CCNH: variants seen among roughly 807,000 people sequenced by gnomAD.
CCNH encodes the protein cyclin H, also known as cyclin-H.
Under a neutral mutation model 41.9 loss-of-function variants are expected in CCNH, and 31 were observed. The observed-to-expected ratio is 0.74, with a 90% CI of 0.56 to 1.00. The LOEUF is 1.00. CCNH is among the 50% of genes least tolerant of loss of function. The pLI is 0.00. For missense variants in CCNH, 362 were observed against 388.4 expected, an observed-to-expected ratio of 0.93 and a Z score of 0.57; for synonymous variants, 138 against 136.1, an observed-to-expected ratio of 1.01 and a Z score of -0.10.
intron 9 of CCNH, among the ~76,000 whole-genome samples, chr5:87,343,226 G>A (rs1758609254): frequency 6.6e-6 from 1 of 152,106 alleles, no homozygotes; most frequent in Admixed American, 6.6e-5. Context: ...TGGGCACCAA[G>A]TCCTGATGAC....
chr5:87,410,434 A>G (rs1229359700), intron 2 of CCNH, among the ~76,000 whole-genome samples: 2 of 152,030 alleles, frequency 1.3e-5, no homozygotes, highest in African/African-American at 4.8e-5. Flanking sequence ...TATGGACTTA[A>G]TATTTTCAAC....
At chr5:87,392,562 A>C, downstream of CCNH, 1 of 337,818 alleles carries the variant, frequency 3.0e-6, no homozygotes, top group East Asian at 7.8e-5. Context: ...ACATGATAGA[A>C]GACAGGGAGG....
upstream of CCNH, among the ~76,000 whole-genome samples, chr5:87,381,031 T>C (rs888561647): frequency 6.6e-6 from 1 of 152,204 alleles, no homozygotes; most frequent in Non-Finnish European, 1.5e-5. Flanking sequence ...AAGCTGTGTT[T>C]CAGTCTGCTC....
At position 87,338,087 on chromosome 5, in the gene CCNH, A is replaced by T. The variant is rs1348489366; in HGVS notation, c.*91-19190T>A. ...CTTATTGTTGAAGACCTAGTAGAAG[A>T]GGTGGTAAGTTTTGTTCTTTTCTTC... is the stretch of plus-strand genomic sequence containing the variant. On this transcript the variant is annotated intron_variant and NMD_transcript_variant, in intron 9 of 9. Transcript: ENST00000645953. The T allele has an allele frequency of 1.9e-6, 3 of 1,612,108 alleles. No homozygotes were observed. In the Admixed American group the frequency reaches 5.0e-5, roughly 27 times the overall value.
At chr5:87,411,071 T>TGTATTG (rs1764196092) in intron 2 of CCNH, among the ~76,000 whole-genome samples, 153 bp downstream of exon 2, 2 of 152,236 alleles carry the variant, frequency 1.3e-5, no homozygotes, top group African/African-American at 4.8e-5. Context: ...ACTCATGATT[T>TGTATTG]AAGGCCTGTA....
chr5:87,396,249 T>C (rs191509641), intron 7 of CCNH, among the ~76,000 whole-genome samples: 1 of 151,878 alleles, frequency 6.6e-6, no homozygotes, highest in East Asian at 1.9e-4. Context: ...GGATTGTGGT[T>C]ATGAGCAGAA....
At chr5:87,398,988 AAAG>A (rs1275571646) in intron 7 of CCNH, among the ~76,000 whole-genome samples, 17 of 152,150 alleles carry the variant, frequency 1.1e-4, no homozygotes, top group South Asian at 2.1e-4. Context: ...AAAAAAAAAA[AAAG>A]AAGTATGCCA....
At chr5:87,331,533 A>C in intron 9 of CCNH, 1 of 1,602,362 alleles carries the variant, frequency 6.2e-7, no homozygotes, top group Non-Finnish European at 8.5e-7. Flanking sequence ...AAGCCAAATG[A>C]TGTAGCTATT....
Position 87,394,279 on chromosome 5 carries a change from T to C in CCNH, c.*167A>G. 7.5e-7 allele frequency: 1 copy of C among 1,328,488 alleles called. No individual in the cohort carries two copies. Among genetic ancestry groups the C allele is most frequent in the Non-Finnish European group, 9.7e-7 (1 of 1,035,794 alleles). 82.3% of individuals were successfully genotyped at this position (1,328,488 alleles called of 1,614,324 possible). Reference sequence around the variant, plus strand: ...AAAACAGGTGCTATTCTAGCTCTTTTGAAGATGGTTTATTTTACATAAAGT... The same window carrying C: ...AAAACAGGTGCTATTCTAGCTCTTTCGAAGATGGTTTATTTTACATAAAGT... On this transcript the variant is annotated 3_prime_UTR_variant, in exon 9 of 9. Coordinates refer to ENST00000256897, the MANE Select transcript of CCNH (RefSeq NM_001239.4).
chr5:87,390,750 A>G, downstream of CCNH: 1 of 1,499,866 alleles, frequency 6.7e-7, no homozygotes, highest in Non-Finnish European at 9.3e-7. Flanking sequence ...CCATCCTGAA[A>G]TTGCTGACCG....
chr5:87,385,172 T>C, intron 9 of CCNH: 2 of 703,464 alleles, frequency 2.8e-6, no homozygotes, highest in Admixed American at 2.3e-5. Flanking sequence ...CCAAAAACAT[T>C]CTGAGTTCCG....
At chr5:87,338,243 A>G in intron 9 of CCNH, 2 of 1,239,916 alleles carry the variant, frequency 1.6e-6, no homozygotes, top group Non-Finnish European at 2.2e-6. Flanking sequence ...GTTTGTTAGT[A>G]TGGAACATAA....
intron 9 of CCNH, among the ~76,000 whole-genome samples, chr5:87,327,710 A>G (rs1002105064): frequency 6.6e-6 from 1 of 152,164 alleles, no homozygotes; most frequent in East Asian, 1.9e-4. Context: ...CACACCTGTA[A>G]TCTCAGCACT....
At chr5:87,376,299 A>G in exon 1 of CCNH, 6 of 1,417,270 alleles carry the variant, frequency 4.2e-6, no homozygotes, top group Non-Finnish European at 5.9e-6. Context: ...AGCATTTAAC[A>G]CCATAGGGAA....
At chr5:87,394,991 A>C in intron 8 of CCNH, 53 bp downstream of exon 8, 1 of 1,612,276 alleles carries the variant, frequency 6.2e-7, no homozygotes, top group Non-Finnish European at 8.5e-7. Context: ...GTATAGTCAC[A>C]CCAGAATGTA....
chr5:87,326,799 T>G (rs1342372013), intron 9 of CCNH, among the ~76,000 whole-genome samples: 1 of 151,950 alleles, frequency 6.6e-6, no homozygotes, highest in Non-Finnish European at 1.5e-5. Flanking sequence ...CAGCCCCAAT[T>G]AATTTGAATG....
At chr5:87,391,701 T>C (rs192141756), downstream of CCNH, 502 of 233,020 alleles carry the variant, frequency 2.2e-3, 3 homozygotes, top group East Asian at 0.02. Flanking sequence ...ACTAGAATGC[T>C]TTTGTTAAAA....
intron 9 of CCNH, among the ~76,000 whole-genome samples, chr5:87,365,812 GTTAAGT>G (rs1160917791): frequency 6.6e-6 from 1 of 151,988 alleles, no homozygotes; most frequent in Non-Finnish European, 1.5e-5. Context: ...GGAAATGCTA[GTTAAGT>G]TTATGACTGA....
At position 87,408,050 on chromosome 5, in the gene CCNH, TAAG is replaced by T. The variant is rs1471572706; in HGVS notation, c.448_450del (p.Leu150del). ...ATAAGGTGGAAATTAAGTTGCTGTA[TAAG>T]AAGTAGTTCATATTCCAGTATCTGT... On this transcript the variant is annotated inframe_deletion, in exon 4 of 9. Coordinates refer to ENST00000256897, the MANE Select transcript of CCNH (RefSeq NM_001239.4). The T allele has an allele frequency of 8.1e-6, 13 of 1,613,624 alleles. No homozygotes were observed. Among genetic ancestry groups the T allele is most frequent in the African/African-American group, 1.3e-5 (1 of 74,892 alleles).
Sources: allele counts gnomAD v4.1 joint callset (sites outside exome capture counted in the v4.1 genomes callset), GRCh38; gene constraint gnomAD v4.1.1; transcripts MANE v1.5; gene names NCBI Gene and HGNC (gene_info 2026-07-23, HGNC 2026-07-21).